Variants in TOX observed in about 807,000 individuals in gnomAD.
TOX encodes the protein thymocyte selection associated high mobility group box, also known as thymocyte selection-associated high mobility group box protein TOX.
In TOX, 11 loss-of-function variants were observed where a neutral mutation model predicts 53.7. The observed-to-expected ratio is 0.20, with a 90% CI of 0.13 to 0.34. The LOEUF (loss-of-function observed/expected upper bound fraction) is 0.34, where lower values mean the gene tolerates loss of function less well. Among genes scored for constraint, TOX ranks in the 10% least tolerant of loss-of-function variants. The pLI, the probability that TOX is intolerant of heterozygous loss-of-function variation, is 1.00. For missense variants in TOX, 570 were observed against 664.6 expected (o/e 0.86, Z 1.56); for synonymous variants, 225 against 245.3 (o/e 0.92, Z 0.77).
chr8:58,876,664 A>G (rs1811291281), intron 3 of TOX, among the ~76,000 whole-genome samples: 1 of 152,194 alleles, frequency 6.6e-6, no homozygotes. Context: ...ATGCCCAGCT[A>G]CATGTAGCTA....
chr8:58,882,333 T>G (rs1411443878), intron 3 of TOX, among the ~76,000 whole-genome samples: 1 of 152,224 alleles, frequency 6.6e-6, no homozygotes, highest in African/African-American at 2.4e-5. Flanking sequence ...TGACTTTATC[T>G]TTCATTGGAC....
intron 3 of TOX, among the ~76,000 whole-genome samples, chr8:58,872,993 T>C (rs778519529): frequency 6.6e-6 from 1 of 152,138 alleles, no homozygotes; most frequent in East Asian, 1.9e-4. Flanking sequence ...TCACAATATT[T>C]TTTTAAATCT....
At chr8:58,812,706 C>T (rs866625418) in intron 7 of TOX, among the ~76,000 whole-genome samples, 4 of 152,150 alleles carry the variant, frequency 2.6e-5, no homozygotes, top group Non-Finnish European at 4.4e-5. Context: ...GCCAACTCCA[C>T]GGGGCAGGGG....
At chr8:58,836,279 T>C (rs1810544410) in intron 5 of TOX, among the ~76,000 whole-genome samples, 1 of 152,184 alleles carries the variant, frequency 6.6e-6, no homozygotes, top group African/African-American at 2.4e-5. Flanking sequence ...CAAGTCACTG[T>C]AGAATTCACC....
chr8:58,979,326 A>T (rs944525537), intron 1 of TOX, among the ~76,000 whole-genome samples: 1 of 152,214 alleles, frequency 6.6e-6, no homozygotes, highest in African/African-American at 2.4e-5. Flanking sequence ...ATTTGGATGA[A>T]AATTCCATTT....
intron 1 of TOX, among the ~76,000 whole-genome samples, chr8:59,060,026 T>TC (rs758690551): frequency 1.8e-4 from 28 of 152,344 alleles, no homozygotes; most frequent in Non-Finnish European, 3.2e-4. Flanking sequence ...TTCTTTTTTT[T>TC]CATAATCAGA....
intron 1 of TOX, among the ~76,000 whole-genome samples, chr8:59,068,559 TTATTGAGACTTACTCTTCTTGTG>T (rs1478266897): frequency 1.3e-5 from 2 of 152,166 alleles, no homozygotes; most frequent in African/African-American, 4.8e-5. Context: ...AACTAAACTT[TTATTGAGACTTACTCTTCTTGTG>T]TATCAGGCAT....
intron 1 of TOX, among the ~76,000 whole-genome samples, chr8:58,985,062 A>C (rs1813301088): frequency 6.7e-6 from 1 of 149,732 alleles, no homozygotes; most frequent in Non-Finnish European, 1.5e-5. Flanking sequence ...TTATATAGAT[A>C]TATATCTTCT....
intron 1 of TOX, among the ~76,000 whole-genome samples, chr8:59,006,333 C>G (rs146009379): frequency 6.6e-6 from 1 of 152,318 alleles, no homozygotes; most frequent in Non-Finnish European, 1.5e-5. Context: ...CACTAACGCA[C>G]TGGGTTCTGC....
intron 2 of TOX, among the ~76,000 whole-genome samples, chr8:58,945,520 C>G (rs1317111786): frequency 6.6e-6 from 1 of 152,176 alleles, no homozygotes. Context: ...TCACCTGATT[C>G]TGGGAGATCT....
At chr8:59,082,007 C>G (rs1804417144) in intron 1 of TOX, among the ~76,000 whole-genome samples, 1 of 152,172 alleles carries the variant, frequency 6.6e-6, no homozygotes, top group Admixed American at 6.5e-5. Context: ...TATTTGTCAA[C>G]TAAAGCAGTG....
At chr8:58,853,205 G>A (rs539501687) in intron 3 of TOX, among the ~76,000 whole-genome samples, 3 of 152,158 alleles carry the variant, frequency 2.0e-5, no homozygotes, top group Middle Eastern at 3.4e-3. Context: ...CAGTCTTCAC[G>A]CACAGTTCAA....
intron 1 of TOX, among the ~76,000 whole-genome samples, chr8:59,104,864 C>T (rs1181141213): frequency 6.6e-6 from 1 of 152,196 alleles, no homozygotes; most frequent in African/African-American, 2.4e-5. Context: ...TCCTTTTATA[C>T]TGCCAGCACT....
At chr8:59,041,073 C>CGTGTGTGT (rs61657323) in intron 1 of TOX, among the ~76,000 whole-genome samples, 2,154 of 143,900 alleles carry the variant, frequency 0.015, 28 homozygotes, top group East Asian at 0.038. Context: ...AAAGGGACTC[C>CGTGTGTGT]GTGTGTGTGT....
chr8:58,996,089 C>T (rs1813557164), intron 1 of TOX, among the ~76,000 whole-genome samples: 1 of 152,206 alleles, frequency 6.6e-6, no homozygotes. Flanking sequence ...CTCTTTCTGA[C>T]AAGCATATTT....
intron 1 of TOX, among the ~76,000 whole-genome samples, chr8:58,975,688 G>T (rs1329703242): frequency 6.6e-6 from 1 of 152,084 alleles, no homozygotes; most frequent in Non-Finnish European, 1.5e-5. Flanking sequence ...TAATCTTTTT[G>T]CTGGTGGAGG....
At chr8:58,989,302 C>A (rs887789655) in intron 1 of TOX, among the ~76,000 whole-genome samples, 2 of 150,884 alleles carry the variant, frequency 1.3e-5, no homozygotes, top group Non-Finnish European at 2.9e-5. Flanking sequence ...GGTGACAGAG[C>A]GAGACTCTAT....
In TOX at chr8:58,960,866, CA is replaced by C. The variant is rs1172518252; in HGVS notation, c.103-859del. ...TATTTTTAGTCACTTGATAGATGAG[CA>C]AAGCATTTCTCTTTTAGTTAGAGGA... On this transcript the variant is annotated intron_variant, in intron 1 of 8. Coordinates refer to ENST00000361421, the MANE Select transcript of TOX (RefSeq NM_014729.3). Among the ~76,000 whole-genome samples, 4 of 152,148 alleles carry C rather than the reference CA, an allele frequency of 2.6e-5. No individual in the cohort carries two copies. The East Asian group carries it at 7.7e-4, about 29-fold the overall frequency.
chr8:58,852,518 C>G (rs532816092), intron 3 of TOX, among the ~76,000 whole-genome samples: 1 of 152,216 alleles, frequency 6.6e-6, no homozygotes, highest in Non-Finnish European at 1.5e-5. Flanking sequence ...ATGAGACTCA[C>G]TCTTGTAATT....
Sources: allele counts gnomAD v4.1 joint callset (sites outside exome capture counted in the v4.1 genomes callset), GRCh38; gene constraint gnomAD v4.1.1; transcripts MANE v1.5; gene names NCBI Gene and HGNC (gene_info 2026-07-23, HGNC 2026-07-21).